Variants in SYNGR1 observed in about 807,000 individuals in gnomAD.
SYNGR1 encodes synaptogyrin-1.
Under a neutral mutation model 26.1 loss-of-function variants are expected in SYNGR1, and 14 were observed. That is an observed-to-expected ratio of 0.54 (90% CI 0.35 to 0.84). The LOEUF (loss-of-function observed/expected upper bound fraction) is 0.84. Among genes scored for constraint, SYNGR1 ranks in the 40% least tolerant of loss-of-function variants. The pLI, the probability that SYNGR1 is intolerant of heterozygous loss-of-function variation, is 0.01. For missense variants in SYNGR1, 319 were observed against 332.9 expected (o/e 0.96, Z 0.33); for synonymous variants, 141 against 150.1 (o/e 0.94, Z 0.44).
chr22:39,363,247 A>C (rs1924572997), intron 1 of SYNGR1, among the ~76,000 whole-genome samples: 1 of 140,446 alleles, frequency 7.1e-6, no homozygotes, highest in Admixed American at 7.3e-5. Flanking sequence ...TTACCTGGGC[A>C]GGGGGCGGTG....
chr22:39,377,348 A>C (rs1462689707), intron 3 of SYNGR1: 1 of 985,266 alleles, frequency 1.0e-6, no homozygotes, highest in Non-Finnish European at 1.2e-6. Flanking sequence ...CAGTGTCCTC[A>C]AGACTGGGTA....
chr22:39,352,867 T>A (rs1373443511), intron 1 of SYNGR1, among the ~76,000 whole-genome samples: 1 of 152,112 alleles, frequency 6.6e-6, no homozygotes, highest in African/African-American at 2.4e-5. Context: ...GTGATTGTTT[T>A]TTTTCTTTTT....
chr22:39,359,630 CAAAA>C (rs60500594), intron 1 of SYNGR1, among the ~76,000 whole-genome samples: 10 of 78,130 alleles, frequency 1.3e-4, no homozygotes, highest in Non-Finnish European at 2.0e-4. Context: ...GACTCTGTCT[CAAAA>C]AAAAAAAAAA....
At chr22:39,364,236 A>G in intron 1 of SYNGR1, 7 of 1,614,014 alleles carry the variant, frequency 4.3e-6, no homozygotes, top group Non-Finnish European at 5.9e-6. Context: ...TCGATCCTTC[A>G]TGGATAGGCA....
chr22:39,353,152 G>A lies in SYNGR1; in HGVS notation c.99+3043G>A, dbSNP rs183815379. Among the ~76,000 whole-genome samples the A allele has an allele frequency of 2.3e-3, 353 of 152,236 alleles. 2 individuals are homozygous for A. The highest frequency in any genetic ancestry group is 7.8e-3 in the African/African-American group (323 of 41,552). ...GCTGGGATTACAGGCGTGAGCCACC[G>A]CACCCGGCCTGGACCTGGGATTTTT... On this transcript the variant is annotated intron_variant, in intron 1 of 3. Transcript: ENST00000328933.
chr22:39,351,774 CG>C (rs1208964591), intron 1 of SYNGR1, among the ~76,000 whole-genome samples: 2 of 152,244 alleles, frequency 1.3e-5, no homozygotes, highest in East Asian at 3.8e-4. Context: ...CCCTTGTTCT[CG>C]GGAAGCCACA....
At chr22:39,379,781 G>A (rs6001568) in intron 3 of SYNGR1, 114,035 of 152,138 alleles carry the variant, frequency 0.75, 43,458 homozygotes, top group East Asian at 1. Context: ...TCAGGGGCCA[G>A]TGAAAGGGAA....
At chr22:39,358,578 TAA>T (rs2145609758) in intron 1 of SYNGR1, among the ~76,000 whole-genome samples, 1 of 149,608 alleles carries the variant, frequency 6.7e-6, no homozygotes, top group South Asian at 2.1e-4. Flanking sequence ...CGCGCGGCAT[TAA>T]GAGCTGTAAC....
chr22:39,372,266 G>A (rs1248122566), intron 1 of SYNGR1, among the ~76,000 whole-genome samples: 3 of 151,096 alleles, frequency 2.0e-5, no homozygotes, highest in Non-Finnish European at 4.4e-5. Context: ...AAAGTAGCTG[G>A]GACCACAGGC....
Position 39,350,497 on chromosome 22 carries a change from T to G in SYNGR1, c.99+388T>G, listed in dbSNP as rs1362157135. On this transcript the variant is annotated intron_variant, in intron 1 of 3. Coordinates refer to ENST00000328933, the MANE Select transcript of SYNGR1 (RefSeq NM_004711.5). The surrounding 1 kb of genome is among the most constrained non-coding windows in gnomAD (Gnocchi z 4.3). ...ACGGAGCCAGGGTTTAAGGTGGCCT[T>G]TTTTGGGGGGTGGATCAGGGCGTGG... Among the ~76,000 whole-genome samples the G allele has an allele frequency of 6.6e-6, 1 of 151,810 alleles. No individual in the cohort carries two copies. Among genetic ancestry groups the G allele is most frequent in the Non-Finnish European group, 1.5e-5 (1 of 67,950 alleles).
In SYNGR1 at chr22:39,363,651, G is replaced by A. The variant is rs529871516; in HGVS notation, c.100-10665G>A. Among the ~76,000 whole-genome samples the A allele has an allele frequency of 1.1e-4, 17 of 152,244 alleles. No homozygotes were observed. In the East Asian group the frequency reaches 2.3e-3, roughly 21 times the overall value. ...GTGATGGACTTTATCTTCAGCCAGC[G>A]GAGGGATTGTTGAGGTTTGGAGTGG... On this transcript the variant is annotated intron_variant, in intron 1 of 3. Transcript: ENST00000328933.
intron 1 of SYNGR1, among the ~76,000 whole-genome samples, chr22:39,370,821 G>A (rs988681845): frequency 4.0e-5 from 6 of 151,844 alleles, no homozygotes; most frequent in Non-Finnish European, 7.4e-5. Context: ...GGGTTTCACC[G>A]TGTTGGCCAG....
intron 1 of SYNGR1, among the ~76,000 whole-genome samples, chr22:39,358,206 C>G (rs890446461): frequency 1.3e-5 from 2 of 152,206 alleles, no homozygotes; most frequent in Non-Finnish European, 2.9e-5. Flanking sequence ...CCTTGGAGAA[C>G]CTGTGTGTCC....
chr22:39,377,514 C>T, intron 3 of SYNGR1: 6 of 1,562,432 alleles, frequency 3.8e-6, no homozygotes, highest in Non-Finnish European at 5.2e-6. Flanking sequence ...CAACAGGTGC[C>T]TGCCCGGCCC....
intron 1 of SYNGR1, among the ~76,000 whole-genome samples, chr22:39,356,940 C>T (rs1157814022): frequency 6.6e-6 from 1 of 152,110 alleles, no homozygotes; most frequent in Non-Finnish European, 1.5e-5. Flanking sequence ...AGGTTGGGAA[C>T]TTTGGATTGG....
chr22:39,377,728 C>A, intron 3 of SYNGR1: 1 of 1,606,816 alleles, frequency 6.2e-7, no homozygotes, highest in South Asian at 1.1e-5. Flanking sequence ...CCCTGTATCA[C>A]CCCTGGCAGT....
chr22:39,379,288 A>G (rs892207477), intron 3 of SYNGR1, among the ~76,000 whole-genome samples: 1 of 151,932 alleles, frequency 6.6e-6, no homozygotes, highest in African/African-American at 2.4e-5. Flanking sequence ...TTAAATACCC[A>G]CCTCCCAGAA....
intron 1 of SYNGR1, among the ~76,000 whole-genome samples, chr22:39,351,453 C>T (rs1254874767): frequency 1.3e-5 from 2 of 152,254 alleles, no homozygotes; most frequent in Non-Finnish European, 2.9e-5. Context: ...CTGCACAGAG[C>T]CGGGCACCCC....
intron 1 of SYNGR1, among the ~76,000 whole-genome samples, chr22:39,369,475 G>A (rs776878679): frequency 4.6e-5 from 7 of 152,184 alleles, no homozygotes; most frequent in Non-Finnish European, 7.4e-5. Flanking sequence ...CTACCCTCCC[G>A]GCCTTCCTCC....
Sources: allele counts gnomAD v4.1 joint callset (sites outside exome capture counted in the v4.1 genomes callset), GRCh38; gene constraint gnomAD v4.1.1; non-coding constraint Gnocchi (gnomAD v3.1); transcripts MANE v1.5; gene names NCBI Gene and HGNC (gene_info 2026-07-23, HGNC 2026-07-21).